The following ENPEP variants were observed in gnomAD, a reference collection of about 807,000 sequenced individuals.
ENPEP encodes the protein glutamyl aminopeptidase.
A neutral mutation model predicts 114.5 loss-of-function variants in ENPEP; 103 were observed. The ratio of observed to expected loss-of-function variants is 0.90; its 90% CI spans 0.77 to 1.06. The LOEUF is 1.06. Ranked by LOEUF, ENPEP falls within the 50% of genes least tolerant of loss-of-function variation. The pLI is 0.00. For missense variants in ENPEP, 1,196 were observed against 1,161.3 expected, an observed-to-expected ratio of 1.03 and a Z score of -0.43; for synonymous variants, 420 against 422.0, an observed-to-expected ratio of 1.00 and a Z score of 0.06.
chr4:110,497,879 C>A (rs1451124894), intron 3 of ENPEP, among the ~76,000 whole-genome samples: 1 of 152,160 alleles, frequency 6.6e-6, no homozygotes, highest in Admixed American at 6.5e-5. Context: ...AAGTACCCTC[C>A]TCTGCTAACT....
chr4:110,542,319 T>A (rs1223460755), intron 11 of ENPEP, among the ~76,000 whole-genome samples: 2 of 152,104 alleles, frequency 1.3e-5, no homozygotes, highest in African/African-American at 4.8e-5. Flanking sequence ...TATTTACATT[T>A]GTATCCCCTC....
At chr4:110,553,509 G>C in intron 18 of ENPEP, 54 bp downstream of exon 18, 1 of 1,506,582 alleles carries the variant, frequency 6.6e-7, no homozygotes, top group South Asian at 1.4e-5. Context: ...CTATCTACTG[G>C]TTCCTTCATT....
At chr4:110,515,486 G>T (rs1210049918) in intron 8 of ENPEP, 44 bp downstream of exon 8, 50 of 1,431,068 alleles carry the variant, frequency 3.5e-5, no homozygotes, top group Non-Finnish European at 4.7e-5. Flanking sequence ...AAACTACATT[G>T]ATATGTGGCT....
At chr4:110,522,443 A>C (rs887166620) in intron 10 of ENPEP, among the ~76,000 whole-genome samples, 1 of 151,904 alleles carries the variant, frequency 6.6e-6, no homozygotes, top group African/African-American at 2.4e-5. Flanking sequence ...GGCCTTCCAA[A>C]CTCCTGGGAT....
In ENPEP at chr4:110,483,630, A is replaced by G. The variant is rs113590124; in HGVS notation, c.645-4911A>G. On this transcript the variant is annotated intron_variant, in intron 1 of 19. Transcript: ENST00000265162. ...ACTAAATTGCATAGACTATCATTTT[A>G]TTGTGCTAGGTCTAGTAAGTGACTT... Among the ~76,000 whole-genome samples, 1,155 of 152,258 alleles carry G rather than the reference A, an allele frequency of 7.6e-3. 10 individuals carry two copies. The highest frequency in any genetic ancestry group is 0.027 in the African/African-American group (1,102 of 41,556).
chr4:110,486,932 G>T (rs1178358526), intron 1 of ENPEP, among the ~76,000 whole-genome samples: 1 of 152,152 alleles, frequency 6.6e-6, no homozygotes, highest in Non-Finnish European at 1.5e-5. Flanking sequence ...GCGGGTAGGG[G>T]CTTGGGAAGT....
intron 3 of ENPEP, among the ~76,000 whole-genome samples, chr4:110,505,872 TG>T (rs1458277314): frequency 6.6e-6 from 1 of 152,224 alleles, no homozygotes; most frequent in Non-Finnish European, 1.5e-5. Flanking sequence ...CACGACACTA[TG>T]TTGAAGAGGA....
Position 110,553,535 on chromosome 4 carries a change from GTC to G in ENPEP, c.2642+84_2642+85del. On this transcript the variant is annotated intron_variant, in intron 18 of 19. Transcript: ENST00000265162. Reference sequence around the variant, plus strand: ...TTCCTTCATTTTTCTTTGGGCCACTGTCTCTGACATCTATACAATATCTAAAA... The same window carrying G: ...TTCCTTCATTTTTCTTTGGGCCACTGTCTGACATCTATACAATATCTAAAA... The G allele has an allele frequency of 2.2e-6, 3 of 1,366,226 alleles. No individual in the cohort carries two copies. In the Admixed American group the frequency reaches 5.8e-5, roughly 27 times the overall value. 84.6% of individuals were successfully genotyped at this position (1,366,226 alleles called of 1,614,324 possible).
At chr4:110,497,947 A>G (rs1344553308) in intron 3 of ENPEP, among the ~76,000 whole-genome samples, 1 of 152,232 alleles carries the variant, frequency 6.6e-6, no homozygotes, top group Non-Finnish European at 1.5e-5. Context: ...AATTTAACAC[A>G]TTAATGGCAT....
At chr4:110,509,864 G>T in intron 5 of ENPEP, 57 bp downstream of exon 5, 1 of 1,543,654 alleles carries the variant, frequency 6.5e-7, no homozygotes, top group Non-Finnish European at 8.7e-7. Flanking sequence ...AAGACCACAG[G>T]AATAATTCAA....
At chr4:110,532,245 C>A (rs1486771461) in intron 11 of ENPEP, among the ~76,000 whole-genome samples, 1 of 152,142 alleles carries the variant, frequency 6.6e-6, no homozygotes, top group African/African-American at 2.4e-5. Context: ...AAACCCCATA[C>A]CCTTTAGCTG....
At chr4:110,514,320 T>A (rs1725683590) in intron 7 of ENPEP, among the ~76,000 whole-genome samples, 1 of 152,118 alleles carries the variant, frequency 6.6e-6, no homozygotes, top group Non-Finnish European at 1.5e-5. Context: ...TTATAATTAT[T>A]AAAATGAATA....
At chr4:110,540,144 T>C (rs1031429976) in intron 11 of ENPEP, among the ~76,000 whole-genome samples, 7 of 152,170 alleles carry the variant, frequency 4.6e-5, no homozygotes, top group African/African-American at 1.7e-4. Context: ...TACAGCATGA[T>C]ATGTCCATTA....
At chr4:110,517,813 A>T (rs961665719) in intron 8 of ENPEP, among the ~76,000 whole-genome samples, 2 of 152,204 alleles carry the variant, frequency 1.3e-5, no homozygotes, top group African/African-American at 4.8e-5. Context: ...TCAATCTTCA[A>T]ACACTAGCTA....
Position 110,476,823 on chromosome 4 carries a change from C to T in ENPEP, c.409C>T (p.Arg137Trp), listed in dbSNP as rs1341121359. ...CACCCGGTACCTGTGGCTGCACCTC[C>T]GGGAGACCAGGATCACCCGGCTCCC... ...APTRYLWLHL[R>W]ETRITRLPEL... Residue 137 changes from arginine to tryptophan, a missense_variant, in exon 1 of 20, where the codon CGG (arginine) becomes TGG (tryptophan). Coordinates refer to ENST00000265162, the MANE Select transcript of ENPEP (RefSeq NM_001977.4). 4 of 1,614,146 alleles carry T rather than the reference C, an allele frequency of 2.5e-6. No homozygotes were observed. The highest frequency in any genetic ancestry group is 2.5e-6 in the Non-Finnish European group (3 of 1,180,020).
intron 10 of ENPEP, among the ~76,000 whole-genome samples, chr4:110,528,443 A>G (rs975204611): frequency 1.3e-5 from 2 of 152,194 alleles, no homozygotes; most frequent in African/African-American, 2.4e-5. Context: ...TTCTGTTCAG[A>G]TGTGTTCCTG....
At chr4:110,537,843 A>G (rs907412387) in intron 11 of ENPEP, among the ~76,000 whole-genome samples, 5 of 152,240 alleles carry the variant, frequency 3.3e-5, no homozygotes, top group African/African-American at 1.2e-4. Context: ...CTGTGAAAAC[A>G]TTAATCTGCT....
chr4:110,532,860 CT>C (rs1347732818), intron 11 of ENPEP, among the ~76,000 whole-genome samples: 23 of 152,064 alleles, frequency 1.5e-4, no homozygotes, highest in Admixed American at 1.5e-3. Context: ...GTATTTTATG[CT>C]GTGTTTCAAT....
intron 13 of ENPEP, among the ~76,000 whole-genome samples, chr4:110,544,190 GTC>G (rs1373952835): frequency 2.0e-5 from 3 of 152,058 alleles, no homozygotes; most frequent in African/African-American, 7.2e-5. Flanking sequence ...TCTTAAGTAA[GTC>G]TCTTAACTTC....
Sources: allele counts gnomAD v4.1 joint callset (sites outside exome capture counted in the v4.1 genomes callset), GRCh38; gene constraint gnomAD v4.1.1; transcripts MANE v1.5; gene names NCBI Gene and HGNC (gene_info 2026-07-23, HGNC 2026-07-21).